Variants in PATJ observed in about 807,000 individuals in gnomAD.
PATJ encodes inaD-like protein.
PATJ carries 190 observed loss-of-function variants against 224.9 expected under a neutral mutation model. That is an observed-to-expected ratio of 0.84 (90% CI 0.75 to 0.95). PATJ has a LOEUF of 0.95. PATJ is among the 40% of genes least tolerant of loss of function. The pLI is 0.00. For missense variants in PATJ, 2,121 were observed against 2,270.3 expected, an observed-to-expected ratio of 0.93 and a Z score of 1.34; for synonymous variants, 769 against 820.3, an observed-to-expected ratio of 0.94 and a Z score of 1.07.
At chr1:62,054,273 G>T in intron 31 of PATJ, 1 of 373,924 alleles carries the variant, frequency 2.7e-6, no homozygotes, top group Non-Finnish European at 5.4e-6. Flanking sequence ...TGAAGTGGGA[G>T]GATTACTTGG....
chr1:61,827,382 G>T (rs1291829557), intron 15 of PATJ, 40 bp from the exon 16 acceptor site: 3 of 1,473,158 alleles, frequency 2.0e-6, no homozygotes, highest in Non-Finnish European at 2.7e-6. Flanking sequence ...TTTTTCATTT[G>T]GGGCTGGCTC....
chr1:61,791,473 T>C (rs750174169), intron 9 of PATJ, 26 bp downstream of exon 9: 2 of 1,384,322 alleles, frequency 1.4e-6, no homozygotes, highest in Non-Finnish European at 2.0e-6. Flanking sequence ...CTATTTTATA[T>C]TTGGAAATTG....
intron 30 of PATJ, among the ~76,000 whole-genome samples, chr1:62,042,980 A>G (rs150556379): frequency 0.012 from 1,814 of 152,228 alleles, 17 homozygotes; most frequent in Middle Eastern, 0.048. Flanking sequence ...AATGTTCTAG[A>G]CCCGAAGGGT....
intron 22 of PATJ, among the ~76,000 whole-genome samples, chr1:61,889,901 T>C (rs190269834): frequency 6.6e-6 from 1 of 152,348 alleles, no homozygotes; most frequent in East Asian, 1.9e-4. Context: ...GGGACTACTG[T>C]ATCCTTCTTT....
At chr1:61,984,987 G>A (rs1339042012) in intron 27 of PATJ, among the ~76,000 whole-genome samples, 1 of 151,958 alleles carries the variant, frequency 6.6e-6, no homozygotes, top group East Asian at 1.9e-4. Flanking sequence ...ATTATAGTAG[G>A]GTCACAAAAA....
At chr1:61,778,225 AGGCTGGTCT>A (rs1647048225) in intron 7 of PATJ, among the ~76,000 whole-genome samples, 1 of 152,120 alleles carries the variant, frequency 6.6e-6, no homozygotes, top group African/African-American at 2.4e-5. Flanking sequence ...TTTGTTTCCC[AGGCTGGTCT>A]CAAACTCCTG....
At chr1:61,835,354 A>C (rs180688521) in intron 17 of PATJ, among the ~76,000 whole-genome samples, 26 of 152,234 alleles carry the variant, frequency 1.7e-4, no homozygotes, top group Admixed American at 2.0e-4. Context: ...AGAATGATTT[A>C]ATAAAGTTTA....
At chr1:61,932,464 G>A (rs1676172668) in intron 27 of PATJ, among the ~76,000 whole-genome samples, 1 of 152,210 alleles carries the variant, frequency 6.6e-6, no homozygotes, top group South Asian at 2.1e-4. Flanking sequence ...TGAGAGAAAG[G>A]TGTTTCAAGA....
chr1:61,981,940 G>T (rs992467144), intron 27 of PATJ, among the ~76,000 whole-genome samples: 4 of 151,996 alleles, frequency 2.6e-5, no homozygotes, highest in African/African-American at 9.7e-5. Context: ...AAGTGCTGGG[G>T]TATCAGGCGT....
intron 43 of PATJ, among the ~76,000 whole-genome samples, chr1:62,159,555 CTT>C (rs56862738): frequency 0.46 from 61,652 of 134,400 alleles, 15,359 homozygotes; most frequent in Non-Finnish European, 0.57. Context: ...ATTTCGAATA[CTT>C]TTTTTTTTTT....
chr1:61,964,829 T>G (rs1333788899), intron 27 of PATJ, among the ~76,000 whole-genome samples: 1 of 151,508 alleles, frequency 6.6e-6, no homozygotes, highest in Non-Finnish European at 1.5e-5. Flanking sequence ...TAAATCCTGC[T>G]GGCCGACCGT....
chr1:62,113,606 C>T (rs1054689736), intron 34 of PATJ, among the ~76,000 whole-genome samples: 2 of 152,126 alleles, frequency 1.3e-5, no homozygotes, highest in African/African-American at 4.8e-5. Flanking sequence ...CACTGCACTC[C>T]AACCTGGGCA....
At chr1:62,090,806 C>T (rs1660636135) in intron 33 of PATJ, among the ~76,000 whole-genome samples, 1 of 152,094 alleles carries the variant, frequency 6.6e-6, no homozygotes, top group African/African-American at 2.4e-5. Flanking sequence ...ATGTTTGCAT[C>T]GTATTCCTTA....
chr1:62,020,488 C>G (rs566520747), intron 29 of PATJ, among the ~76,000 whole-genome samples: 3 of 152,254 alleles, frequency 2.0e-5, no homozygotes, highest in African/African-American at 7.2e-5. Context: ...AAACCCTCCT[C>G]CTTCCATAAA....
chr1:62,159,790 C>T (rs1035585018), intron 43 of PATJ, among the ~76,000 whole-genome samples: 2 of 149,738 alleles, frequency 1.3e-5, no homozygotes, highest in East Asian at 2.0e-4. Context: ...GCAATCCTCT[C>T]GCCTGAGATT....
intron 3 of PATJ, among the ~76,000 whole-genome samples, chr1:61,763,995 T>G (rs1273744004): frequency 6.7e-6 from 1 of 149,490 alleles, no homozygotes; most frequent in East Asian, 1.9e-4. Context: ...TGTGTGTGTG[T>G]GGTCTTTTTT....
intron 27 of PATJ, among the ~76,000 whole-genome samples, chr1:61,939,269 C>T (rs539331346): frequency 2.7e-5 from 4 of 149,612 alleles, no homozygotes; most frequent in East Asian, 3.9e-4. Flanking sequence ...AAAACAATAA[C>T]GGACAATGAT....
intron 27 of PATJ, among the ~76,000 whole-genome samples, chr1:61,961,151 G>A (rs1168242285): frequency 6.6e-6 from 1 of 152,166 alleles, no homozygotes; most frequent in African/African-American, 2.4e-5. Flanking sequence ...CAACAGGGAG[G>A]CACTCAGATG....
Position 62,160,074 on chromosome 1 carries a change from C to A in PATJ, c.5503-834C>A, listed in dbSNP as rs868144665. On this transcript the variant is annotated intron_variant, in intron 43 of 43. Transcript: ENST00000642238. ...GACCTCATTTAGAGGATTCTTCTGG[C>A]ACTGACTTTTCAAGGGACTGAAACA... is the stretch of plus-strand genomic sequence containing the variant. 3.9e-5 allele frequency among the ~76,000 whole-genome samples: 6 copies of A among 152,164 alleles called. No homozygotes were observed. In the South Asian group the frequency reaches 8.3e-4, roughly 21 times the overall value.
Sources: gnomAD v4.1 joint callset for allele counts (sites outside exome capture counted in the v4.1 genomes callset) on GRCh38, gnomAD v4.1.1 for gene constraint, MANE v1.5 for transcripts, NCBI Gene and HGNC (gene_info 2026-07-23, HGNC 2026-07-21) for gene names.